TMEM237: variants seen among roughly 807,000 people sequenced by gnomAD.
TMEM237 encodes the protein transmembrane protein 237, also known as amyotrophic lateral sclerosis 2 (juvenile) chromosome region, candidate 4.
In TMEM237, 51 loss-of-function variants were observed where a neutral mutation model predicts 59.1. The ratio of observed to expected loss-of-function variants is 0.86; its 90% confidence interval spans 0.69 to 1.09. TMEM237 has a LOEUF of 1.09. Among genes scored for constraint, TMEM237 ranks in the 50% least tolerant of loss-of-function variants. The pLI, the probability that TMEM237 is intolerant of heterozygous loss-of-function variation, is 0.00. For missense variants in TMEM237, 475 were observed against 478.3 expected, an observed-to-expected ratio of 0.99 and a Z score of 0.06; for synonymous variants, 140 against 166.1, an observed-to-expected ratio of 0.84 and a Z score of 1.21.
chr2:201,638,971 C>T lies in TMEM237; in HGVS notation c.136+18G>A. 1 of 1,570,856 alleles carries T rather than the reference C, an allele frequency of 6.4e-7. No homozygotes were observed. Among genetic ancestry groups the T allele is most frequent in the Non-Finnish European group, 8.6e-7 (1 of 1,157,018 alleles). Reference sequence around the variant, plus strand: ...TGGGAAAACTTGTGATCCCACACAACAAAGAATAACGTCTTACCTGGTGTG... The same window carrying T: ...TGGGAAAACTTGTGATCCCACACAATAAAGAATAACGTCTTACCTGGTGTG... On this transcript the variant is annotated intron_variant, in intron 4 of 12. Transcript: ENST00000409883.
intron 1 of TMEM237, chr2:201,642,604 C>G (rs1455963390): frequency 4.4e-6 from 7 of 1,609,112 alleles, no homozygotes; most frequent in East Asian, 2.3e-5. Context: ...CTAAGGCTCG[C>G]TTACCACAGG....
chr2:201,642,404 A>G (rs1264616367), intron 1 of TMEM237, among the ~76,000 whole-genome samples: 2 of 152,178 alleles, frequency 1.3e-5, no homozygotes, highest in Non-Finnish European at 2.9e-5. Context: ...GAGAAGAATG[A>G]CAGTCACAGG....
intron 10 of TMEM237, 111 bp downstream of exon 10, chr2:201,627,965 T>A (rs1957773498): frequency 1.6e-6 from 1 of 634,646 alleles, no homozygotes; most frequent in African/African-American, 1.8e-5. Context: ...CTATAGGTAA[T>A]GTTTATAAGG....
chr2:201,642,566 A>G (rs1353760714), intron 1 of TMEM237: 26 of 1,598,586 alleles, frequency 1.6e-5, no homozygotes, highest in Non-Finnish European at 2.0e-5. Flanking sequence ...GCTCAACTGA[A>G]GACAAAAATC....
At chr2:201,625,379 A>T (rs965106611) in intron 12 of TMEM237, among the ~76,000 whole-genome samples, 1 of 152,128 alleles carries the variant, frequency 6.6e-6, no homozygotes, top group African/African-American at 2.4e-5. Context: ...AAAAAATAAA[A>T]AAAAAAAGAT....
intron 10 of TMEM237, 33 bp downstream of exon 10, chr2:201,628,043 T>C: frequency 6.6e-7 from 1 of 1,524,724 alleles, no homozygotes; most frequent in Non-Finnish European, 9.0e-7. Context: ...AACTGAAGTA[T>C]TACACAGTTA....
At chr2:201,640,994 CT>C in intron 1 of TMEM237, 70 bp from the exon 2 acceptor site, 1 of 1,406,302 alleles carries the variant, frequency 7.1e-7, no homozygotes, top group Non-Finnish European at 9.7e-7. Flanking sequence ...TACCATCACG[CT>C]ATTTTTTTTT....
rs116829037 is a variant in TMEM237 at position 201,640,278 on chromosome 2, A to G, written c.75-13T>C. On this transcript the variant is annotated splice_polypyrimidine_tract_variant and intron_variant, in intron 2 of 12. Coordinates refer to ENST00000409883, the MANE Select transcript of TMEM237 (RefSeq NM_001044385.3). ...TAACTCACCTTGACTAACACGTCAT[A>G]TAACACCAAACAAATTTAATCAGCA... is the stretch of plus-strand genomic sequence containing the variant. 1.2e-3 allele frequency: 1,928 copies of G among 1,552,422 alleles called. 25 individuals carry two copies. The African/African-American group carries it at 0.024, about 19-fold the overall frequency.
intron 4 of TMEM237, chr2:201,638,419 T>TA (rs1033393152): frequency 6.6e-6 from 1 of 152,154 alleles, no homozygotes; most frequent in Non-Finnish European, 1.5e-5. Context: ...TCATGAGACG[T>TA]AAAAAAATTA....
rs181058401 is a variant in TMEM237, at chr2:201,633,501, T to C, written c.275-70A>G. On this transcript the variant is annotated intron_variant, in intron 5 of 12. Coordinates refer to ENST00000409883, the MANE Select transcript of TMEM237 (RefSeq NM_001044385.3). ...AAAGAAAAGTAATGTACAAGACTTG[T>C]ATAAGAGAAAAGAACTTCAAGAATT... 4.9e-3 allele frequency: 5,986 copies of C among 1,216,074 alleles called. 21 individuals carry two copies. The highest frequency in any genetic ancestry group is 5.7e-3 in the Non-Finnish European group (5,308 of 933,652). 75.3% of individuals were successfully genotyped at this position (1,216,074 alleles called of 1,614,324 possible). A position where few individuals can be genotyped will look rare whatever the true frequency, so the allele number is the denominator to read the frequency against.
chr2:201,640,304 G>C (rs1203776244), intron 2 of TMEM237, 39 bp from the exon 3 acceptor site: 1 of 1,523,988 alleles, frequency 6.6e-7, no homozygotes, highest in South Asian at 1.3e-5. Context: ...TTAATCAGCA[G>C]GACAAAGACA....
chr2:201,629,897 C>T, intron 7 of TMEM237, 45 bp from the exon 8 acceptor site: 1 of 1,581,172 alleles, frequency 6.3e-7, no homozygotes, highest in Non-Finnish European at 8.5e-7. Flanking sequence ...GAGAGAGAAC[C>T]CTGGTAGCCA....
chr2:201,621,537 A>C lies in TMEM237; in HGVS notation c.*2718T>G, dbSNP rs1446622273. ...AAAAGGAAATGAACTATTGATACAC[A>C]CAACAGCTGAGATGACTCAGAAAAA... On this transcript the variant is annotated 3_prime_UTR_variant, in exon 13 of 13. Coordinates refer to ENST00000409883, the MANE Select transcript of TMEM237 (RefSeq NM_001044385.3). 2.0e-5 allele frequency: 3 copies of C among 152,440 alleles called. No homozygotes were observed. Among genetic ancestry groups the C allele is most frequent in the African/African-American group, 7.2e-5 (3 of 41,466 alleles). The allele number at this position is 152,440 out of a possible 1,614,324, so 9.4% of individuals were successfully genotyped here.
chr2:201,643,467 A>G lies in TMEM237; in HGVS notation c.-67T>C. On this transcript the variant is annotated 5_prime_UTR_variant, in exon 1 of 13. Transcript: ENST00000409883. This position sits in a 1 kb window ranked among gnomAD's most constrained non-coding sequence, Gnocchi z 4.3. ...GCCCGAGCCCAGCTCCCCGCGACGC[A>G]GCGGCCTCCGGGACCTGTGGGACGC... The G allele has an allele frequency of 7.4e-7, 1 of 1,360,170 alleles. No homozygotes were observed. Among genetic ancestry groups the G allele is most frequent in the Non-Finnish European group, 9.6e-7 (1 of 1,046,634 alleles). The allele number at this position is 1,360,170 out of a possible 1,614,324, so 84.3% of individuals were successfully genotyped here.
Position 201,629,440 on chromosome 2 carries a change from G to A in TMEM237, c.678-19C>T, listed in dbSNP as rs1362182712. On this transcript the variant is annotated intron_variant, in intron 8 of 12. Coordinates refer to ENST00000409883, the MANE Select transcript of TMEM237 (RefSeq NM_001044385.3). ...AATCATCCTGAATGGAAAAGGGTTT[G>A]ATTATTATACATGAATTACTAAAGT... The A allele has an allele frequency of 2.0e-6, 3 of 1,512,000 alleles. No homozygotes were observed. The highest frequency in any genetic ancestry group is 2.6e-5 in the Admixed American group (1 of 38,686). The allele number at this position is 1,512,000 out of a possible 1,614,324, so 93.7% of individuals were successfully genotyped here.
At position 201,635,175 on chromosome 2, in the gene TMEM237, T is replaced by G. The variant is rs1354016820; in HGVS notation, c.274+1573A>C. Among the ~76,000 whole-genome samples the G allele has an allele frequency of 6.6e-6, 1 of 152,236 alleles. No individual in the cohort carries two copies. Among genetic ancestry groups the G allele is most frequent in the Non-Finnish European group, 1.5e-5 (1 of 68,044 alleles). ...CCATTCTTTTTACTATGTAGATGTA[T>G]GTACATATTTACGTTCTGGGTTGAA... On this transcript the variant is annotated intron_variant, in intron 5 of 12. Coordinates refer to ENST00000409883, the MANE Select transcript of TMEM237 (RefSeq NM_001044385.3). The surrounding 1 kb of genome is among the most constrained non-coding windows in gnomAD (Gnocchi z 4.5).
Position 201,639,028 on chromosome 2 carries a change from G to C in TMEM237, c.97C>G (p.Arg33Gly), listed in dbSNP as rs200714434. The change falls in exon 4 of 13, where the codon CGT (arginine) becomes GGT (glycine). Residue 33 changes from arginine (R) to glycine (G), a missense_variant. Physicochemically the swap from Arg to Gly is moderately radical, Grantham distance 125. Coordinates refer to ENST00000409883, the MANE Select transcript of TMEM237 (RefSeq NM_001044385.3). ...VPSQDDIPLSRPKKKKPRTKN... is the reference protein window; with the variant it reads ...VPSQDDIPLSGPKKKKPRTKN... ...GTTCTGGGCTTCTTTTTCTTAGGAC[G>C]ACTAAGTGGAATATCATCTATAAAG... 6.3e-7 allele frequency: 1 copy of C among 1,581,766 alleles called. No individual in the cohort carries two copies.
chr2:201,625,903 T>G, intron 12 of TMEM237, 123 bp downstream of exon 12: 1 of 1,036,932 alleles, frequency 9.6e-7, no homozygotes, highest in Non-Finnish European at 1.3e-6. Flanking sequence ...TCTTCTTGTA[T>G]CATTTTAATT....
rs1687222583 is a variant in TMEM237 at position 201,633,404 on chromosome 2, T to C, written c.302A>G (p.Lys101Arg). 1 of 1,569,632 alleles carries C rather than the reference T, an allele frequency of 6.4e-7. No homozygotes were observed. The highest frequency in any genetic ancestry group is 8.6e-7 in the Non-Finnish European group (1 of 1,156,902). Residue 101 changes from lysine (K) to arginine (R), a missense_variant, in exon 6 of 13, where the codon AAG becomes AGG. Transcript: ENST00000409883. ...LELETSSTQK[K>R]SSSSSLLRNE... is the part of the protein sequence containing the mutation. Reference sequence around the variant, plus strand: ...TCGTAATAAAGATGAACTAGATGACTTCTTTTGGGTGGAGGAAGTCTCCAA... The same window carrying C: ...TCGTAATAAAGATGAACTAGATGACCTCTTTTGGGTGGAGGAAGTCTCCAA...
Sources: gnomAD v4.1 joint callset for allele counts (sites outside exome capture counted in the v4.1 genomes callset) on GRCh38, gnomAD v4.1.1 for gene constraint, Gnocchi (gnomAD v3.1) non-coding constraint, MANE v1.5 for transcripts, NCBI Gene and HGNC (gene_info 2026-07-23, HGNC 2026-07-21) for gene names.